The following CLSTN2 variants were observed in gnomAD, a reference collection of about 807,000 sequenced individuals.
CLSTN2 encodes calsyntenin 2, also known as calsyntenin-2.
A neutral mutation model predicts 101.2 loss-of-function variants in CLSTN2; 48 were observed. That is an observed-to-expected ratio of 0.47 (90% CI 0.38 to 0.60). The LOEUF (loss-of-function observed/expected upper bound fraction) is 0.60, where lower values mean the gene tolerates loss of function less well. Ranked by LOEUF, CLSTN2 falls within the 20% of genes least tolerant of loss-of-function variation. The pLI is 0.00. For missense variants in CLSTN2, 1,160 were observed against 1,238.2 expected (o/e 0.94, Z 0.95); for synonymous variants, 481 against 463.6 (o/e 1.04, Z -0.48).
chr3:140,306,957 T>C (rs2087120124), intron 2 of CLSTN2, among the ~76,000 whole-genome samples: 1 of 151,980 alleles, frequency 6.6e-6, no homozygotes, highest in Non-Finnish European at 1.5e-5. Context: ...TCATCTTGAA[T>C]TCCCACATGT....
chr3:140,121,113 G>A (rs2882430), intron 1 of CLSTN2, among the ~76,000 whole-genome samples: 112,852 of 152,084 alleles, frequency 0.74, 42,122 homozygotes, highest in African/African-American at 0.82. Flanking sequence ...GTAGTGCGGT[G>A]TCTCAGAGCT....
At chr3:140,314,565 A>T (rs2087210061) in intron 2 of CLSTN2, among the ~76,000 whole-genome samples, 1 of 152,034 alleles carries the variant, frequency 6.6e-6, no homozygotes, top group Non-Finnish European at 1.5e-5. Context: ...ACCCTGAAGT[A>T]TCAGCCAGTG....
At chr3:139,938,991 G>A (rs1935077236) in intron 1 of CLSTN2, among the ~76,000 whole-genome samples, 1 of 151,784 alleles carries the variant, frequency 6.6e-6, no homozygotes, top group Admixed American at 6.6e-5. Context: ...GGGTTGAGGA[G>A]CTTCTGTTTT....
At chr3:140,444,154 A>T (rs964737465) in intron 5 of CLSTN2, among the ~76,000 whole-genome samples, 4 of 152,176 alleles carry the variant, frequency 2.6e-5, no homozygotes, top group Admixed American at 1.3e-4. Context: ...GGAGTTTTGT[A>T]AAAAAGCTAT....
intron 2 of CLSTN2, among the ~76,000 whole-genome samples, chr3:140,275,072 A>G (rs1275357348): frequency 6.6e-6 from 1 of 152,148 alleles, no homozygotes; most frequent in Non-Finnish European, 1.5e-5. Flanking sequence ...CCCTTAACCA[A>G]TGACTGTCCA....
chr3:140,388,686 G>A (rs1393312937), intron 2 of CLSTN2, among the ~76,000 whole-genome samples: 1 of 152,192 alleles, frequency 6.6e-6, no homozygotes, highest in Non-Finnish European at 1.5e-5. Context: ...TCTGTATAAT[G>A]GAAGAGAACT....
chr3:140,251,396 G>T (rs1315227819), intron 2 of CLSTN2, among the ~76,000 whole-genome samples: 2 of 152,270 alleles, frequency 1.3e-5, no homozygotes, highest in African/African-American at 4.8e-5. Flanking sequence ...ATTTGCCTAG[G>T]TATTAAACGC....
intron 1 of CLSTN2, among the ~76,000 whole-genome samples, chr3:140,077,687 G>A (rs567598280): frequency 6.6e-6 from 1 of 150,884 alleles, no homozygotes; most frequent in Non-Finnish European, 1.5e-5. Flanking sequence ...CATGTAGAGG[G>A]GAGGAAAAAA....
At chr3:140,152,539 A>G (rs1488144908) in intron 1 of CLSTN2, among the ~76,000 whole-genome samples, 1 of 152,218 alleles carries the variant, frequency 6.6e-6, no homozygotes, top group Admixed American at 6.5e-5. Context: ...ACCCTCCAAT[A>G]CCTGGCATAG....
intron 2 of CLSTN2, among the ~76,000 whole-genome samples, chr3:140,262,755 G>A (rs2086664419): frequency 6.6e-6 from 1 of 152,030 alleles, no homozygotes; most frequent in South Asian, 2.1e-4. Flanking sequence ...TGAGAGTAAA[G>A]GTTTTTGGTC....
chr3:140,484,072 A>G (rs1934186210), intron 8 of CLSTN2, among the ~76,000 whole-genome samples: 3 of 152,094 alleles, frequency 2.0e-5, no homozygotes, highest in Non-Finnish European at 4.4e-5. Context: ...GGTCTTTACA[A>G]TTTGGCATGT....
At chr3:140,299,291 C>T (rs2087031425) in intron 2 of CLSTN2, among the ~76,000 whole-genome samples, 1 of 152,206 alleles carries the variant, frequency 6.6e-6, no homozygotes, top group African/African-American at 2.4e-5. Flanking sequence ...ACCCCTGGTT[C>T]CCAGCCGTTG....
intron 5 of CLSTN2, among the ~76,000 whole-genome samples, chr3:140,435,958 T>C (rs2088681911): frequency 6.6e-6 from 1 of 152,236 alleles, no homozygotes; most frequent in East Asian, 1.9e-4. Flanking sequence ...ATTCCTCATA[T>C]GGTCTGGTCA....
intron 1 of CLSTN2, among the ~76,000 whole-genome samples, chr3:139,994,772 G>C (rs1030923567): frequency 2.6e-5 from 4 of 152,170 alleles, no homozygotes; most frequent in Admixed American, 6.5e-5. Context: ...GAAATAGACA[G>C]CACTTATTGA....
At chr3:140,015,878 A>G (rs920460873) in intron 1 of CLSTN2, among the ~76,000 whole-genome samples, 1 of 152,170 alleles carries the variant, frequency 6.6e-6, no homozygotes, top group South Asian at 2.1e-4. Context: ...CTCCTATGCC[A>G]TTGTAATTGA....
At chr3:140,042,156 T>C (rs2007773352) in intron 1 of CLSTN2, among the ~76,000 whole-genome samples, 1 of 152,220 alleles carries the variant, frequency 6.6e-6, no homozygotes, top group Non-Finnish European at 1.5e-5. Flanking sequence ...TAGCAGTTAA[T>C]ACACATTTAG....
At chr3:140,285,559 A>C (rs2086888267) in intron 2 of CLSTN2, among the ~76,000 whole-genome samples, 1 of 152,136 alleles carries the variant, frequency 6.6e-6, no homozygotes. Flanking sequence ...GTGTCACTAG[A>C]ACAGTGGTTT....
intron 2 of CLSTN2, among the ~76,000 whole-genome samples, chr3:140,261,569 A>G (rs1471751135): frequency 6.6e-6 from 1 of 151,158 alleles, no homozygotes; most frequent in Non-Finnish European, 1.5e-5. Context: ...GACTGGTATT[A>G]GAAACCAAGA....
At chr3:140,136,589 T>C (rs2107806894) in intron 1 of CLSTN2, among the ~76,000 whole-genome samples, 1 of 152,314 alleles carries the variant, frequency 6.6e-6, no homozygotes, top group East Asian at 1.9e-4. Flanking sequence ...AGGTTTTGGG[T>C]CAAAGGTACT....
Sources: gnomAD v4.1 joint callset for allele counts (sites outside exome capture counted in the v4.1 genomes callset) on GRCh38, gnomAD v4.1.1 for gene constraint, MANE v1.5 for transcripts, NCBI Gene and HGNC (gene_info 2026-07-23, HGNC 2026-07-21) for gene names.